ACVR2A: variants seen among roughly 807,000 people sequenced by gnomAD.
ACVR2A encodes activin A receptor type 2A, also known as activin receptor type-2A.
Under a neutral mutation model 61.4 loss-of-function variants are expected in ACVR2A, and 7 were observed. The ratio of observed to expected loss-of-function variants is 0.11; its 90% confidence interval spans 0.06 to 0.21. ACVR2A has a LOEUF of 0.21. ACVR2A is among the 10% of genes least tolerant of loss of function. The pLI, the probability that ACVR2A is intolerant of heterozygous loss-of-function variation, is 1.00. For missense variants in ACVR2A, 322 were observed against 621.7 expected, an observed-to-expected ratio of 0.52 and a Z score of 5.13; for synonymous variants, 193 against 208.3, an observed-to-expected ratio of 0.93 and a Z score of 0.63.
At chr2:147,896,196 G>C (rs750499080) in intron 1 of ACVR2A, 105 bp from the exon 2 acceptor site, 5 of 973,156 alleles carry the variant, frequency 5.1e-6, no homozygotes, top group African/African-American at 1.7e-5. Flanking sequence ...GTGGGAAGAC[G>C]GTGAATTACT....
rs181901595 is a variant in ACVR2A, at chr2:147,923,077, A to G, written c.1182A>G (p.Leu394=). 6.6e-5 allele frequency: 106 copies of G among 1,613,096 alleles called. No individual in the cohort carries two copies. In the South Asian group the frequency reaches 8.7e-4, roughly 13 times the overall value. The change falls in exon 9 of 11, where the codon CTA becomes CTG. Residue 394 remains leucine (L), a synonymous_variant. Coordinates refer to ENST00000241416, the MANE Select transcript of ACVR2A (RefSeq NM_001616.5). ...RIDMYAMGLV[L]WELASRCTAA... ...ATATGTATGCCATGGGATTAGTCCT[A>G]TGGGAACTGGCTTCTCGCTGTACTG...
intron 1 of ACVR2A, among the ~76,000 whole-genome samples, chr2:147,849,105 A>C (rs62169479): frequency 0.14 from 21,790 of 152,176 alleles, 1,931 homozygotes; most frequent in Middle Eastern, 0.23. Context: ...TACTATAATA[A>C]AATATTCCAA....
chr2:147,899,822 C>A lies in ACVR2A; in HGVS notation c.452C>A (p.Ala151Glu). 6.2e-7 allele frequency: 1 copy of A among 1,613,670 alleles called. No homozygotes were observed. Among genetic ancestry groups the A allele is most frequent in the Non-Finnish European group, 8.5e-7 (1 of 1,179,722 alleles). The change falls in exon 4 of 11, where the codon GCG becomes GAG. Residue 151 changes from alanine to glutamate, a missense_variant. Physicochemically the swap from Ala to Glu is moderately radical, Grantham distance 107. Around this residue, in one of 3 missense-constraint regions of ACVR2A, gnomAD observed 142 missense variants for 200.3 expected, o/e 0.71. Transcript: ENST00000241416. The stretch of plus-strand genomic sequence containing the variant: ...TCCTTGGTGCCACTTATGTTAATTG[C>A]GGGGATTGTCATTTGTGCATTTTGG... The part of the protein sequence containing the change: ...LYSLVPLMLI[A>E]GIVICAFWVY...
chr2:147,899,229 G>A (rs1686816234), intron 2 of ACVR2A, among the ~76,000 whole-genome samples: 1 of 152,038 alleles, frequency 6.6e-6, no homozygotes, highest in Admixed American at 6.6e-5. Context: ...ATAGTCTCTA[G>A]TAGTCAGTGT....
At chr2:147,877,992 G>A (rs1215822545) in intron 1 of ACVR2A, among the ~76,000 whole-genome samples, 1 of 152,150 alleles carries the variant, frequency 6.6e-6, no homozygotes, top group Non-Finnish European at 1.5e-5. Flanking sequence ...AGAGAAATGT[G>A]AATACTTATA....
At chr2:147,926,898 T>TA (rs1243419434) in intron 10 of ACVR2A, among the ~76,000 whole-genome samples, 182 bp from the exon 11 acceptor site, 9 of 150,988 alleles carry the variant, frequency 6.0e-5, no homozygotes, top group East Asian at 1.9e-4. Context: ...GTCTCATGCT[T>TA]AAAAAAAAAG....
At chr2:147,853,244 A>C (rs556928250) in intron 1 of ACVR2A, among the ~76,000 whole-genome samples, 1 of 152,270 alleles carries the variant, frequency 6.6e-6, no homozygotes, top group Non-Finnish European at 1.5e-5. Context: ...ATAATAAAAC[A>C]TGATAACGTA....
chr2:147,906,475 G>A (rs970472132), intron 4 of ACVR2A, among the ~76,000 whole-genome samples: 2 of 152,098 alleles, frequency 1.3e-5, no homozygotes, highest in African/African-American at 4.8e-5. Context: ...TAAGAAGTGA[G>A]TTGCTTCAAC....
In ACVR2A at chr2:147,852,090, T is replaced by A. The variant is rs566029989; in HGVS notation, c.55+6883T>A. Among the ~76,000 whole-genome samples the A allele has an allele frequency of 2.3e-4, 35 of 152,222 alleles. No homozygotes were observed. In the South Asian group the frequency reaches 7.0e-3, roughly 31 times the overall value. On this transcript the variant is annotated intron_variant, in intron 1 of 10. Transcript: ENST00000241416. Reference sequence around the variant, plus strand: ...AGTTATGTTCAAATTTAAATTTTTTTAAATAATTAAAATTAGAATTTGAAT... The same window carrying A: ...AGTTATGTTCAAATTTAAATTTTTTAAAATAATTAAAATTAGAATTTGAAT...
chr2:147,880,756 C>CA (rs1243210626), intron 1 of ACVR2A, among the ~76,000 whole-genome samples: 1 of 152,140 alleles, frequency 6.6e-6, no homozygotes, highest in East Asian at 1.9e-4. Context: ...CCTAGGTTGT[C>CA]AAAGTGCCTG....
intron 4 of ACVR2A, among the ~76,000 whole-genome samples, chr2:147,908,804 T>C (rs1687049048): frequency 1.3e-5 from 2 of 152,020 alleles, no homozygotes; most frequent in South Asian, 4.1e-4. Context: ...TTGAGTGAGG[T>C]ATCTCCACTC....
At chr2:147,893,195 A>G (rs1361610959) in intron 1 of ACVR2A, among the ~76,000 whole-genome samples, 1 of 152,184 alleles carries the variant, frequency 6.6e-6, no homozygotes, top group Non-Finnish European at 1.5e-5. Context: ...TTCACTTAGC[A>G]TAATGTTTGA....
chr2:147,893,286 T>C (rs1686635271), intron 1 of ACVR2A, among the ~76,000 whole-genome samples: 1 of 152,222 alleles, frequency 6.6e-6, no homozygotes, highest in Admixed American at 6.5e-5. Flanking sequence ...TCACCATTGA[T>C]GGACATAGGA....
intron 1 of ACVR2A, among the ~76,000 whole-genome samples, chr2:147,872,165 G>A (rs1184296397): frequency 6.6e-6 from 1 of 151,916 alleles, no homozygotes; most frequent in African/African-American, 2.4e-5. Flanking sequence ...TCTTAAGTGT[G>A]TTCCACCTGC....
rs569971728 is a variant in ACVR2A at position 147,845,194 on chromosome 2, C to A, written c.42C>A (p.Ile14=). The change falls in exon 1 of 11, where the codon ATC becomes ATA. Residue 14 remains isoleucine, a synonymous_variant. Coordinates refer to ENST00000241416, the MANE Select transcript of ACVR2A (RefSeq NM_001616.5). ...AGTTGGCGTTTGCCGTCTTTCTTAT[C>A]TCCTGTTCTTCAGGTAGGTGCAGGG... ...AAKLAFAVFL[I]SCSSGAILGR... is the part of the protein sequence containing the mutation. 6.2e-7 allele frequency: 1 copy of A among 1,613,090 alleles called. No homozygotes were observed. Among genetic ancestry groups the A allele is most frequent in the South Asian group, 1.1e-5 (1 of 91,040 alleles).
chr2:147,924,261 A>G (rs1687450617), intron 9 of ACVR2A, among the ~76,000 whole-genome samples: 1 of 152,050 alleles, frequency 6.6e-6, no homozygotes, highest in African/African-American at 2.4e-5. Context: ...TATTAATATG[A>G]ACTCTCCATA....
Position 147,845,359 on chromosome 2 carries a change from C to G in ACVR2A, c.55+152C>G, listed in dbSNP as rs900181842. ...CCTCGGCTGCCACCGCCCCCCCCCC[C>G]CGCCCCCAGGTCTGATTGTGATCTG... On this transcript the variant is annotated intron_variant, in intron 1 of 10. Coordinates refer to ENST00000241416, the MANE Select transcript of ACVR2A (RefSeq NM_001616.5). The G allele has an allele frequency of 1.2e-4, 62 of 527,948 alleles. 4 individuals carry two copies. In the East Asian group the frequency reaches 2.1e-3, roughly 18 times the overall value. 32.7% of individuals were successfully genotyped at this position (527,948 alleles called of 1,614,324 possible).
intron 1 of ACVR2A, among the ~76,000 whole-genome samples, chr2:147,891,604 G>C (rs375533979): frequency 6.6e-5 from 10 of 151,978 alleles, no homozygotes; most frequent in Non-Finnish European, 1.3e-4. Context: ...TATTTTGTGA[G>C]TTGTAAAAAC....
chr2:147,920,396 T>C (rs1436324656), intron 8 of ACVR2A, 52 bp downstream of exon 8: 1 of 1,380,378 alleles, frequency 7.2e-7, no homozygotes, highest in East Asian at 2.3e-5. Context: ...TTCCATATTT[T>C]CTTAGAATGG....
Sources: allele counts gnomAD v4.1 joint callset (sites outside exome capture counted in the v4.1 genomes callset), GRCh38; gene constraint gnomAD v4.1.1; regional missense constraint gnomAD v4.1.1; transcripts MANE v1.5; gene names NCBI Gene and HGNC (gene_info 2026-07-23, HGNC 2026-07-21).